Variants in DEK observed in about 807,000 individuals in gnomAD.
DEK encodes DEK proto-oncogene, also known as protein DEK.
A neutral mutation model predicts 46.8 loss-of-function variants in DEK; 28 were observed. The observed-to-expected ratio is 0.60, with a 90% CI of 0.44 to 0.82. DEK has a LOEUF of 0.82. Among genes scored for constraint, DEK ranks in the 40% least tolerant of loss-of-function variants. The pLI, the probability that DEK is intolerant of heterozygous loss-of-function variation, is 0.00. For missense variants in DEK, 416 were observed against 430.6 expected, an observed-to-expected ratio of 0.97 and a Z score of 0.30; for synonymous variants, 160 against 144.5, an observed-to-expected ratio of 1.11 and a Z score of -0.77.
chr6:18,263,997 C>G lies in DEK; in HGVS notation c.-9-1G>C. ...GGGCCGAGGCGGACATGCTGTGAAC[C>G]TGCATGCGGGAAGAAAGCCGGACGT... On this transcript the variant is annotated splice_acceptor_variant, in intron 1 of 10. Transcript: ENST00000652689. LOFTEE classifies it low-confidence loss of function (5UTR_SPLICE). The G allele has an allele frequency of 1.3e-6, 2 of 1,593,888 alleles. No individual in the cohort carries two copies. The highest frequency in any genetic ancestry group is 1.7e-6 in the Non-Finnish European group (2 of 1,170,678).
intron 6 of DEK, among the ~76,000 whole-genome samples, chr6:18,250,534 C>CCCAACACT (rs996913240): frequency 4.7e-5 from 7 of 149,798 alleles, no homozygotes; most frequent in Non-Finnish European, 1.0e-4. Flanking sequence ...CTTTAGAAGG[C>CCCAACACT]CCAACACTCC....
Position 18,232,609 on chromosome 6 carries a change from A to G in DEK, c.1047+3843T>C, listed in dbSNP as rs145422473. ...AAATAATGAGTGAATTCCCATTCAC[A>G]ATTGCTTCAAAGAGATTAAAATACC... On this transcript the variant is annotated intron_variant, in intron 9 of 10. Transcript: ENST00000652689. Among the ~76,000 whole-genome samples the G allele has an allele frequency of 4.5e-3, 678 of 152,302 alleles. 9 individuals carry two copies. The highest frequency in any genetic ancestry group is 0.023 in the Admixed American group (357 of 15,292).
chr6:18,261,292 G>A (rs113221227), intron 2 of DEK, among the ~76,000 whole-genome samples: 7 of 152,308 alleles, frequency 4.6e-5, no homozygotes, highest in African/African-American at 1.4e-4. Flanking sequence ...AGACTTGTAG[G>A]CCGGGCGCAG....
chr6:18,238,918 A>C (rs951219679), intron 7 of DEK, among the ~76,000 whole-genome samples: 1 of 151,726 alleles, frequency 6.6e-6, no homozygotes, highest in African/African-American at 2.4e-5. Context: ...ATCCTAAAGC[A>C]ACCTGGTTTT....
chr6:18,252,864 C>T lies in DEK; in HGVS notation c.573+2867G>A, dbSNP rs73366558. On this transcript the variant is annotated intron_variant, in intron 6 of 10. Coordinates refer to ENST00000652689, the MANE Select transcript of DEK (RefSeq NM_003472.4). ...AACATATATTAGTCACTGTATTCCT[C>T]ACAACCACACACCAGCAGAAACAAA... is the stretch of plus-strand genomic sequence containing the variant. Among the ~76,000 whole-genome samples the T allele has an allele frequency of 1.7e-3, 258 of 152,300 alleles. 2 individuals carry two copies. Among genetic ancestry groups the T allele is most frequent in the African/African-American group, 5.9e-3 (247 of 41,556 alleles).
At chr6:18,235,134 G>C (rs1463191584) in intron 9 of DEK, among the ~76,000 whole-genome samples, 1 of 152,028 alleles carries the variant, frequency 6.6e-6, no homozygotes, top group Non-Finnish European at 1.5e-5. Flanking sequence ...CTTTGCTATT[G>C]CATTGTTCTT....
chr6:18,247,932 A>G (rs979719207), intron 7 of DEK, among the ~76,000 whole-genome samples: 2 of 152,146 alleles, frequency 1.3e-5, no homozygotes, highest in African/African-American at 2.4e-5. Context: ...TCGGCCTCCC[A>G]AAGTGCTGGG....
At chr6:18,233,844 G>A (rs544335658) in intron 9 of DEK, among the ~76,000 whole-genome samples, 52 of 152,292 alleles carry the variant, frequency 3.4e-4, no homozygotes, top group African/African-American at 1.2e-3. Flanking sequence ...TCCCATTACT[G>A]GGGATATACC....
At chr6:18,228,328 C>G (rs1790227512) in intron 9 of DEK, among the ~76,000 whole-genome samples, 1 of 152,104 alleles carries the variant, frequency 6.6e-6, no homozygotes, top group African/African-American at 2.4e-5. Flanking sequence ...AGCCCACAGG[C>G]TGTAGTATGC....
At chr6:18,248,631 G>A (rs892126751) in intron 7 of DEK, among the ~76,000 whole-genome samples, 52 of 151,770 alleles carry the variant, frequency 3.4e-4, no homozygotes, top group African/African-American at 1.1e-3. Flanking sequence ...AAAATTTGAC[G>A]CTAAAACAAG....
At chr6:18,233,096 G>T (rs1790482279) in intron 9 of DEK, among the ~76,000 whole-genome samples, 1 of 152,142 alleles carries the variant, frequency 6.6e-6, no homozygotes, top group Non-Finnish European at 1.5e-5. Flanking sequence ...AACAAGAAAT[G>T]GGGAAAGGAT....
intron 9 of DEK, among the ~76,000 whole-genome samples, chr6:18,231,723 C>A (rs937907341): frequency 1.3e-5 from 2 of 152,166 alleles, no homozygotes; most frequent in African/African-American, 4.8e-5. Flanking sequence ...CAATAATTAA[C>A]AGCCTACCAA....
chr6:18,251,748 G>A (rs899000069), intron 6 of DEK, among the ~76,000 whole-genome samples: 1 of 152,132 alleles, frequency 6.6e-6, no homozygotes, highest in African/African-American at 2.4e-5. Flanking sequence ...ATGATCTCCA[G>A]GTCTCAAATG....
At position 18,223,879 on chromosome 6, in the gene DEK, C is replaced by G. The variant is rs1393871338; in HGVS notation, c.*1840G>C. Reference sequence around the variant, plus strand: ...ACTCTGTACTGTAGTGGTGATACATCCATTTAATAAGTGTGCGTACTCATC... The same window carrying G: ...ACTCTGTACTGTAGTGGTGATACATGCATTTAATAAGTGTGCGTACTCATC... On this transcript the variant is annotated 3_prime_UTR_variant, in exon 11 of 11. Coordinates refer to ENST00000652689, the MANE Select transcript of DEK (RefSeq NM_003472.4). The G allele has an allele frequency of 6.6e-6, 1 of 152,158 alleles. No individual in the cohort carries two copies. Among genetic ancestry groups the G allele is most frequent in the African/African-American group, 2.4e-5 (1 of 41,434 alleles). The allele number at this position is 152,158 out of a possible 1,614,324, so 9.4% of individuals were successfully genotyped here.
At chr6:18,261,243 T>G (rs1345766343) in intron 2 of DEK, among the ~76,000 whole-genome samples, 1 of 152,094 alleles carries the variant, frequency 6.6e-6, no homozygotes, top group Non-Finnish European at 1.5e-5. Flanking sequence ...GGAGATAATT[T>G]TGGAGCTTTA....
chr6:18,256,233 C>T (rs990838687), intron 5 of DEK, 128 bp downstream of exon 5: 16 of 740,654 alleles, frequency 2.2e-5, no homozygotes, highest in Admixed American at 1.2e-4. Flanking sequence ...GTGATACGCC[C>T]GCCTCAGCCT....
intron 9 of DEK, among the ~76,000 whole-genome samples, chr6:18,228,301 TAAGA>T (rs985356964): frequency 4.3e-4 from 65 of 152,148 alleles, no homozygotes; most frequent in African/African-American, 1.6e-3. Context: ...ACCAGGTGAC[TAAGA>T]TAGAATGGAT....
chr6:18,249,612 T>C (rs756795891), intron 7 of DEK, 39 bp downstream of exon 7: 41 of 1,482,634 alleles, frequency 2.8e-5, no homozygotes, highest in South Asian at 8.7e-5. Flanking sequence ...ACTCTCCCCA[T>C]GGAAAGAAAT....
chr6:18,226,771 G>A lies in DEK; in HGVS notation c.1048-529C>T, dbSNP rs543155681. Among the ~76,000 whole-genome samples, 3 of 152,204 alleles carry A rather than the reference G, an allele frequency of 2.0e-5. No individual in the cohort carries two copies. In the East Asian group the frequency reaches 5.8e-4, roughly 29 times the overall value. On this transcript the variant is annotated intron_variant, in intron 9 of 10. Coordinates refer to ENST00000652689, the MANE Select transcript of DEK (RefSeq NM_003472.4). ...TTCCAGCCTGGACCACAGAGTGTGG[G>A]GAAAAGAAAGAGAGATCAGATGGTT...
Sources: gnomAD v4.1 joint callset for allele counts (sites outside exome capture counted in the v4.1 genomes callset) on GRCh38, gnomAD v4.1.1 for gene constraint, MANE v1.5 for transcripts, NCBI Gene and HGNC (gene_info 2026-07-23, HGNC 2026-07-21) for gene names.